The following ZC3H13 variants were observed in gnomAD, a reference collection of about 807,000 sequenced individuals.
ZC3H13 encodes zinc finger CCCH-type containing 13, also known as zinc finger CCCH domain-containing protein 13.
A neutral mutation model predicts 204.1 loss-of-function variants in ZC3H13; 64 were observed. The ratio of observed to expected loss-of-function variants is 0.31; its 90% CI spans 0.26 to 0.39. The LOEUF is 0.39. Ranked by LOEUF, ZC3H13 falls within the 10% of genes least tolerant of loss-of-function variation. The pLI, the probability that ZC3H13 is intolerant of heterozygous loss-of-function variation, is 1.00. For missense variants in ZC3H13, 1,833 were observed against 2,082.7 expected, an observed-to-expected ratio of 0.88 and a Z score of 2.33; for synonymous variants, 667 against 693.7, an observed-to-expected ratio of 0.96 and a Z score of 0.60.
intron 4 of ZC3H13, among the ~76,000 whole-genome samples, chr13:46,034,721 C>T (rs1196492530): frequency 1.3e-5 from 2 of 151,678 alleles, no homozygotes; most frequent in Non-Finnish European, 2.9e-5. Context: ...GGGTGCATTT[C>T]AATGTTTGAA....
chr13:45,967,579 T>C lies in ZC3H13; in HGVS notation c.4246A>G (p.Arg1416Gly), dbSNP rs1355391667. The change falls in exon 15 of 19, where the codon AGA (arginine) becomes GGA (glycine). Residue 1416 changes from arginine (R) to glycine (G), a missense_variant. Transcript: ENST00000679008. ...SRDSLALDKE[R>G]MDKDLGSVQG... ...ACAGATCCCAGATCTTTATCCATTC[T>C]CTCTTTATCCAAGGCTAGAGAGTCT... 6.2e-7 allele frequency: 1 copy of C among 1,612,194 alleles called. No homozygotes were observed. Among genetic ancestry groups the C allele is most frequent in the East Asian group, 2.2e-5 (1 of 44,884 alleles).
rs527904477 is a variant in ZC3H13 at position 45,965,841 on chromosome 13, AT to A, written c.4322-410del. 2.3e-3 allele frequency among the ~76,000 whole-genome samples: 352 copies of A among 152,308 alleles called. 2 individuals carry two copies. The highest frequency in any genetic ancestry group is 8.1e-3 in the African/African-American group (336 of 41,574). On this transcript the variant is annotated intron_variant, in intron 15 of 18. Coordinates refer to ENST00000679008, the MANE Select transcript of ZC3H13 (RefSeq NM_001330564.2). Reference sequence around the variant, plus strand: ...TTTCACAATTTATCTAAACAAAGTAATTTAAAAACTTGCAAACATTTAAAAA... The same window carrying A: ...TTTCACAATTTATCTAAACAAAGTAATTAAAAACTTGCAAACATTTAAAAA...
Position 45,959,749 on chromosome 13 carries a change from G to C in ZC3H13, c.4676-103C>G, listed in dbSNP as rs1182084447. ...CAAATTTTATACTTTATTAAAGTTA[G>C]CAACATTGGTGAAAATTATTTCACA... On this transcript the variant is annotated intron_variant, in intron 17 of 18. Coordinates refer to ENST00000679008, the MANE Select transcript of ZC3H13 (RefSeq NM_001330564.2). 5 of 1,244,022 alleles carry C rather than the reference G, an allele frequency of 4.0e-6. No homozygotes were observed. The Admixed American group carries it at 1.1e-4, about 27-fold the overall frequency. The allele number at this position is 1,244,022 out of a possible 1,614,324, so 77.1% of individuals were successfully genotyped here. A position where few individuals can be genotyped will look rare whatever the true frequency, so the allele number is the denominator to read the frequency against.
At chr13:46,007,681 G>A (rs1224094697) in intron 7 of ZC3H13, among the ~76,000 whole-genome samples, 1 of 152,084 alleles carries the variant, frequency 6.6e-6, no homozygotes, top group Admixed American at 6.5e-5. Context: ...GGCCAAAACT[G>A]GTTTTGTGTA....
At chr13:45,966,723 T>C (rs1952119386) in intron 15 of ZC3H13, among the ~76,000 whole-genome samples, 1 of 152,110 alleles carries the variant, frequency 6.6e-6, no homozygotes, top group African/African-American at 2.4e-5. Flanking sequence ...GAGATGAAAA[T>C]GTAATGTGAA....
At chr13:46,008,979 G>A (rs1056520495) in intron 7 of ZC3H13, among the ~76,000 whole-genome samples, 2 of 152,054 alleles carry the variant, frequency 1.3e-5, no homozygotes, top group Non-Finnish European at 2.9e-5. Flanking sequence ...ACAGAACTAT[G>A]AATAACCAAG....
Position 45,955,926 on chromosome 13 carries a change from A to G in ZC3H13, c.*1201T>C, listed in dbSNP as rs909114851. ...ACACAAGTAATATGGGCTTACAATTATAACACAAACCTGTGAGAGGGCATG... is the reference window on the plus strand; with the variant it reads ...ACACAAGTAATATGGGCTTACAATTGTAACACAAACCTGTGAGAGGGCATG... On this transcript the variant is annotated 3_prime_UTR_variant, in exon 19 of 19. Transcript: ENST00000679008. The G allele has an allele frequency of 3.3e-5, 5 of 152,284 alleles. No individual in the cohort carries two copies. The highest frequency in any genetic ancestry group is 1.2e-4 in the African/African-American group (5 of 41,582). The allele number at this position is 152,284 out of a possible 1,614,324, so 9.4% of individuals were successfully genotyped here. A position where few individuals can be genotyped will look rare whatever the true frequency, so the allele number is the denominator to read the frequency against.
Position 46,020,571 on chromosome 13 carries a change from T to A in ZC3H13, c.340-14A>T. On this transcript the variant is annotated splice_polypyrimidine_tract_variant and intron_variant, in intron 4 of 18. Transcript: ENST00000679008. ...TGAAGATTCTTTCTAAAAAAGTACA[T>A]ACATACATTCAGATTACTATATTTT... is the stretch of plus-strand genomic sequence containing the variant. The A allele has an allele frequency of 6.5e-7, 1 of 1,527,642 alleles. No individual in the cohort carries two copies. Among genetic ancestry groups the A allele is most frequent in the African/African-American group, 1.4e-5 (1 of 71,576 alleles). The allele number at this position is 1,527,642 out of a possible 1,614,324, so 94.6% of individuals were successfully genotyped here. A position where few individuals can be genotyped will look rare whatever the true frequency, so the allele number is the denominator to read the frequency against.
intron 17 of ZC3H13, chr13:45,963,055 C>T (rs1951806572): frequency 1.0e-6 from 1 of 984,502 alleles, no homozygotes; most frequent in Non-Finnish European, 1.2e-6. Flanking sequence ...TTGGGTATTA[C>T]TATATGCCAG....
intron 7 of ZC3H13, chr13:46,010,135 G>C (rs565967093): frequency 8.2e-6 from 3 of 365,840 alleles, no homozygotes; most frequent in Non-Finnish European, 1.4e-5. Flanking sequence ...AAAATAAAAA[G>C]CTCTGAAGCA....
chr13:46,022,049 C>CA lies in ZC3H13; in HGVS notation c.340-1493dup, dbSNP rs1374100255. Among the ~76,000 whole-genome samples the CA allele has an allele frequency of 3.3e-5, 5 of 151,976 alleles. No homozygotes were observed. The East Asian group carries it at 9.6e-4, about 29-fold the overall frequency. On this transcript the variant is annotated intron_variant, in intron 4 of 18. Transcript: ENST00000679008. Reference sequence around the variant, plus strand: ...TGTCAGAGCAGTAGTGCTGGTGCTGCAAAATCAATCTATAAATTTGTAACA... The same window carrying CA: ...TGTCAGAGCAGTAGTGCTGGTGCTGCAAAAATCAATCTATAAATTTGTAACA...
At chr13:46,023,052 GATAAAAAGCAAGCATTACAAAGAAT>G (rs2042317269) in intron 4 of ZC3H13, among the ~76,000 whole-genome samples, 1 of 152,076 alleles carries the variant, frequency 6.6e-6, no homozygotes, top group African/African-American at 2.4e-5. Context: ...ATTAATTTTA[GATAAAAAGCAAGCATTACAAAGAAT>G]ATGAAATAGG....
In ZC3H13 at chr13:45,975,531, CTCTCTTTCCCGCTCTCGATCGTGG is replaced by C; in HGVS notation, c.2196_2219del (p.Asp732_Arg739del). The stretch of plus-strand genomic sequence containing the variant: ...GTTCTTTTTCCCTGTCTCGTTCCCT[CTCTCTTTCCCGCTCTCGATCGTGG>C]TCTCGGTCTCTATCCCTTTCACGAT... On this transcript the variant is annotated inframe_deletion, in exon 12 of 19. Transcript: ENST00000679008. 1.2e-6 allele frequency: 2 copies of C among 1,604,010 alleles called. No individual in the cohort carries two copies. Among genetic ancestry groups the C allele is most frequent in the Non-Finnish European group, 1.7e-6 (2 of 1,175,330 alleles).
At position 45,972,621 on chromosome 13, in the gene ZC3H13, G is replaced by A. The variant is rs191867079; in HGVS notation, c.2469-2156C>T. 2.6e-4 allele frequency among the ~76,000 whole-genome samples: 39 copies of A among 152,274 alleles called. 1 individual carries two copies. The highest frequency in any genetic ancestry group is 1.8e-3 in the Admixed American group (28 of 15,298). ...AACATACCAGCACATGTATATCATA[G>A]ACAGCTCCTTTATATAGATGAACAA... On this transcript the variant is annotated intron_variant, in intron 12 of 18. Coordinates refer to ENST00000679008, the MANE Select transcript of ZC3H13 (RefSeq NM_001330564.2).
intron 5 of ZC3H13, among the ~76,000 whole-genome samples, chr13:46,013,179 G>T (rs762468474): frequency 2.0e-4 from 31 of 152,182 alleles, no homozygotes; most frequent in Non-Finnish European, 1.5e-5. Context: ...ACTTTGGGAG[G>T]CCGAGGAGGG....
intron 4 of ZC3H13, among the ~76,000 whole-genome samples, chr13:46,024,527 A>C (rs2042416406): frequency 6.6e-6 from 1 of 152,078 alleles, no homozygotes; most frequent in Non-Finnish European, 1.5e-5. Flanking sequence ...TACTGATGTC[A>C]TCCTGTTGCT....
intron 12 of ZC3H13, among the ~76,000 whole-genome samples, chr13:45,973,520 C>T (rs1227999320): frequency 6.6e-6 from 1 of 152,096 alleles, no homozygotes; most frequent in Non-Finnish European, 1.5e-5. Flanking sequence ...CCATGAAATG[C>T]TTTAGGTTTT....
At chr13:46,031,231 AAAAT>A (rs1186046664) in intron 4 of ZC3H13, among the ~76,000 whole-genome samples, 1 of 152,102 alleles carries the variant, frequency 6.6e-6, no homozygotes, top group Non-Finnish European at 1.5e-5. Flanking sequence ...AAATGCAAAA[AAAAT>A]AAATAAATAA....
chr13:46,035,951 T>C (rs977522193), intron 4 of ZC3H13, among the ~76,000 whole-genome samples: 1 of 152,158 alleles, frequency 6.6e-6, no homozygotes, highest in Non-Finnish European at 1.5e-5. Flanking sequence ...TGCCATTTTT[T>C]TTTCTCATCT....
Sources: gnomAD v4.1 joint callset for allele counts (sites outside exome capture counted in the v4.1 genomes callset) on GRCh38, gnomAD v4.1.1 for gene constraint, MANE v1.5 for transcripts, NCBI Gene and HGNC (gene_info 2026-07-23, HGNC 2026-07-21) for gene names.